KCNC2: variants seen among roughly 807,000 people sequenced by gnomAD.
KCNC2 encodes the protein voltage-gated potassium channel KCNC2.
KCNC2 carries 21 observed loss-of-function variants against 44.5 expected under a neutral mutation model. The ratio of observed to expected loss-of-function variants is 0.47; its 90% CI spans 0.33 to 0.68. The LOEUF is 0.68. Among genes scored for constraint, KCNC2 ranks in the 30% least tolerant of loss-of-function variants. The pLI, the probability that KCNC2 is intolerant of heterozygous loss-of-function variation, is 0.01. For missense variants in KCNC2, 589 were observed against 826.2 expected, an observed-to-expected ratio of 0.71 and a Z score of 3.52; for synonymous variants, 391 against 339.1, an observed-to-expected ratio of 1.15 and a Z score of -1.68.
intron 2 of KCNC2, among the ~76,000 whole-genome samples, chr12:75,168,872 G>A (rs886588383): frequency 6.6e-6 from 1 of 151,388 alleles, no homozygotes; most frequent in African/African-American, 2.4e-5. Flanking sequence ...AAATTTACTT[G>A]AACTTTAAAG....
intron 2 of KCNC2, among the ~76,000 whole-genome samples, chr12:75,150,992 G>A (rs1299821948): frequency 2.6e-5 from 4 of 151,828 alleles, no homozygotes; most frequent in Non-Finnish European, 5.9e-5. Flanking sequence ...TGGATTATAT[G>A]CTCTACATAA....
At position 75,050,801 on chromosome 12, in the gene KCNC2, A is replaced by C. The variant is rs1355448341; in HGVS notation, c.1204T>G (p.Tyr402Asp). The C allele has an allele frequency of 6.2e-7, 1 of 1,613,610 alleles. No homozygotes were observed. Among genetic ancestry groups the C allele is most frequent in the Non-Finnish European group, 8.5e-7 (1 of 1,179,856 alleles). Residue 402 changes from tyrosine (Y) to aspartate (D), a missense_variant, in exon 3 of 5, where the codon TAT becomes GAT. By Grantham distance (160) the Tyr-to-Asp change is radical. This residue lies in a region of KCNC2 where 67 missense variants were observed against 237.4 expected (regional missense o/e 0.28). Coordinates refer to ENST00000549446, the MANE Select transcript of KCNC2 (RefSeq NM_139137.4). ...GGTTGAGCTCCCACTCTCTCGGCAT[A>C]GTAGATCATGGTAGCAAATATCAAA... ...GVLIFATMIYYAERVGAQPND... is the reference protein window; with the variant it reads ...GVLIFATMIYDAERVGAQPND...
intron 2 of KCNC2, among the ~76,000 whole-genome samples, chr12:75,130,969 G>A (rs1231335325): frequency 2.0e-5 from 3 of 151,966 alleles, no homozygotes; most frequent in Non-Finnish European, 4.4e-5. Flanking sequence ...GTGCACCAAT[G>A]CAATGATGTG....
chr12:75,174,399 G>T (rs1290978448), intron 2 of KCNC2, among the ~76,000 whole-genome samples: 1 of 151,706 alleles, frequency 6.6e-6, no homozygotes, highest in East Asian at 1.9e-4. Flanking sequence ...GTAATTGAAT[G>T]GGCATCTTAA....
Position 75,042,769 on chromosome 12 carries a change from A to G in KCNC2, c.*336T>C. 1 of 1,154,634 alleles carries G rather than the reference A, an allele frequency of 8.7e-7. No individual in the cohort carries two copies. The highest frequency in any genetic ancestry group is 1.6e-5 in the African/African-American group (1 of 62,442). The allele number at this position is 1,154,634 out of a possible 1,614,324, so 71.5% of individuals were successfully genotyped here. A position where few individuals can be genotyped will look rare whatever the true frequency, so the allele number is the denominator to read the frequency against. ...ATAAAGTTCCAATGAAGTGGTTGGC[A>G]TTTGGAAGCACACTGTTTTAAATAT... is the stretch of plus-strand genomic sequence containing the variant. On this transcript the variant is annotated 3_prime_UTR_variant, in exon 5 of 5. Coordinates refer to ENST00000549446, the MANE Select transcript of KCNC2 (RefSeq NM_139137.4).
chr12:75,146,145 G>A (rs1269886182), intron 2 of KCNC2, among the ~76,000 whole-genome samples: 8 of 151,964 alleles, frequency 5.3e-5, no homozygotes, highest in African/African-American at 1.2e-4. Flanking sequence ...TAGTAGAGAC[G>A]AGATTTCACT....
chr12:75,165,897 G>A (rs1193698734), intron 2 of KCNC2, among the ~76,000 whole-genome samples: 5 of 151,434 alleles, frequency 3.3e-5, no homozygotes, highest in Non-Finnish European at 5.9e-5. Flanking sequence ...CTGATATAAA[G>A]ATTTGGTTTG....
At chr12:75,086,306 G>T (rs554185454) in intron 2 of KCNC2, among the ~76,000 whole-genome samples, 3 of 152,098 alleles carry the variant, frequency 2.0e-5, no homozygotes, top group Middle Eastern at 3.4e-3. Context: ...ACCACAAATG[G>T]TTCCTGGCTG....
chr12:75,064,574 G>T (rs1882645737), intron 2 of KCNC2, among the ~76,000 whole-genome samples: 1 of 151,988 alleles, frequency 6.6e-6, no homozygotes, highest in African/African-American at 2.4e-5. Flanking sequence ...AACAAAAATT[G>T]CATACTAATT....
At chr12:75,156,533 T>A (rs142087159) in intron 2 of KCNC2, among the ~76,000 whole-genome samples, 1 of 151,884 alleles carries the variant, frequency 6.6e-6, no homozygotes, top group African/African-American at 2.4e-5. Flanking sequence ...TGCTTTAAAG[T>A]CAATAGGTAT....
intron 2 of KCNC2, among the ~76,000 whole-genome samples, chr12:75,079,616 C>T (rs915574286): frequency 5.5e-4 from 83 of 152,166 alleles, no homozygotes; most frequent in African/African-American, 1.9e-3. Context: ...TCTTATCAGA[C>T]ATCATGAATA....
rs762435250 is a variant in KCNC2, at chr12:75,207,417, C to G, written c.567G>C (p.Arg189Ser). ...GCCCCGCCGCGTCCTCGATGCCCAG[C>G]CTCTTGGCCGCCAGGTCCTCGTCGT... ...PGDDEDLAAK[R>S]LGIEDAAGLG... The change falls in exon 2 of 5, where the codon AGG becomes AGC. Residue 189 changes from arginine (R) to serine (S), a missense_variant. By Grantham distance (110) the Arg-to-Ser change is moderately radical. Around this residue, in one of 7 missense-constraint regions of KCNC2, gnomAD observed 97 missense variants for 73.3 expected, o/e 1.32. Transcript: ENST00000549446. The surrounding 1 kb of genome is among the most constrained non-coding windows in gnomAD (Gnocchi z 4.1). 2.5e-6 allele frequency: 4 copies of G among 1,603,358 alleles called. No individual in the cohort carries two copies. The highest frequency in any genetic ancestry group is 1.7e-5 in the Admixed American group (1 of 58,650).
At chr12:75,168,923 A>T (rs1891633640) in intron 2 of KCNC2, among the ~76,000 whole-genome samples, 1 of 151,552 alleles carries the variant, frequency 6.6e-6, no homozygotes, top group African/African-American at 2.4e-5. Flanking sequence ...GATTATTTAC[A>T]CAATTTTGCT....
rs1384818304 is a variant in KCNC2 at position 75,182,495 on chromosome 12, T to C, written c.687+24802A>G. On this transcript the variant is annotated intron_variant, in intron 2 of 4. Coordinates refer to ENST00000549446, the MANE Select transcript of KCNC2 (RefSeq NM_139137.4). ...CAGATCGCGCCACTGCACTCTAGCCTGGGCGACAGAGCGAGATTCCGTCTC... is the reference window on the plus strand; with the variant it reads ...CAGATCGCGCCACTGCACTCTAGCCCGGGCGACAGAGCGAGATTCCGTCTC... Among the ~76,000 whole-genome samples, 5 of 127,608 alleles carry C rather than the reference T, an allele frequency of 3.9e-5. No individual in the cohort carries two copies. The East Asian group carries it at 9.0e-4, about 23-fold the overall frequency. The allele number at this position is 127,608 out of a possible 152,430, so 83.7% of individuals were successfully genotyped here.
At chr12:75,131,024 A>G (rs1170633026) in intron 2 of KCNC2, among the ~76,000 whole-genome samples, 1 of 152,124 alleles carries the variant, frequency 6.6e-6, no homozygotes, top group Non-Finnish European at 1.5e-5. Flanking sequence ...TATGTTGAGA[A>G]AAGGCCTGAG....
rs200315364 is a variant in KCNC2, at chr12:75,207,460, A to G, written c.524T>C (p.Ile175Thr). 3.0e-5 allele frequency: 48 copies of G among 1,611,278 alleles called. No homozygotes were observed. The highest frequency in any genetic ancestry group is 3.3e-5 in the Admixed American group (2 of 59,846). Reference sequence around the variant, plus strand: ...CTCGTCGTCGCCGGGGTCGCCGCCAATGAGGTCGGGGGTCTCGAAGATGTC... The same window carrying G: ...CTCGTCGTCGCCGGGGTCGCCGCCAGTGAGGTCGGGGGTCTCGAAGATGTC... ...ALDIFETPDL[I>T]GGDPGDDEDL... Residue 175 changes from isoleucine (I) to threonine (T), a missense_variant, in exon 2 of 5, where the codon ATT (isoleucine) becomes ACT (threonine). Physicochemically the swap from Ile to Thr is moderately conservative, Grantham distance 89 (BLOSUM62 -1). Transcript: ENST00000549446. The surrounding 1 kb of genome is among the most constrained non-coding windows in gnomAD (Gnocchi z 4.1).
At chr12:75,102,447 C>A (rs1886442773) in intron 2 of KCNC2, among the ~76,000 whole-genome samples, 1 of 151,956 alleles carries the variant, frequency 6.6e-6, no homozygotes. Context: ...GGCTCAGTAG[C>A]ATTATTATCC....
rs1000101442 is a variant in KCNC2 at position 75,132,499 on chromosome 12, C to T, written c.687+74798G>A. Among the ~76,000 whole-genome samples, 3 of 152,010 alleles carry T rather than the reference C, an allele frequency of 2.0e-5. No individual in the cohort carries two copies. In the South Asian group the frequency reaches 6.2e-4, roughly 31 times the overall value. On this transcript the variant is annotated intron_variant, in intron 2 of 4. Transcript: ENST00000549446. ...ATTTTTGTATGCTTGACAATTTTTA[C>T]TATAAAACTATTGGAACAAAACAAA...
intron 2 of KCNC2, among the ~76,000 whole-genome samples, chr12:75,139,344 C>T (rs1002777742): frequency 3.3e-5 from 5 of 152,200 alleles, no homozygotes; most frequent in African/African-American, 1.2e-4. Context: ...AATTTTATCT[C>T]TTCTTCAATG....
Sources: allele counts gnomAD v4.1 joint callset (sites outside exome capture counted in the v4.1 genomes callset), GRCh38; gene constraint gnomAD v4.1.1; regional missense constraint gnomAD v4.1.1; non-coding constraint Gnocchi (gnomAD v3.1); transcripts MANE v1.5; gene names NCBI Gene and HGNC (gene_info 2026-07-23, HGNC 2026-07-21).